MAP4: variants seen among roughly 807,000 people sequenced by gnomAD.
MAP4 encodes the protein microtubule-associated protein 4.
MAP4 carries 76 observed loss-of-function variants against 170.2 expected under a neutral mutation model. The observed-to-expected ratio is 0.45, with a 90% CI of 0.37 to 0.54. The LOEUF is 0.54. Ranked by LOEUF, MAP4 falls within the 20% of genes least tolerant of loss-of-function variation. The pLI, the probability that MAP4 is intolerant of heterozygous loss-of-function variation, is 0.00. For synonymous variants in MAP4, 909 were observed against 994.5 expected (o/e 0.91, Z 1.62); for missense variants, 2,506 against 2,748.0 (o/e 0.91, Z 1.97).
intron 3 of MAP4, among the ~76,000 whole-genome samples, chr3:47,970,242 T>G (rs985517768): frequency 6.6e-6 from 1 of 151,844 alleles, no homozygotes; most frequent in African/African-American, 2.4e-5. Context: ...TCCCAGCACT[T>G]TGGGAGGCCG....
intron 1 of MAP4, among the ~76,000 whole-genome samples, chr3:48,085,832 G>A (rs1431141946): frequency 6.6e-6 from 1 of 152,060 alleles, no homozygotes; most frequent in African/African-American, 2.4e-5. Context: ...CGAGGCAGGC[G>A]GAACACGAGG....
intron 1 of MAP4, among the ~76,000 whole-genome samples, chr3:48,061,211 CCT>C (rs1273423418): frequency 5.3e-5 from 8 of 150,666 alleles, no homozygotes; most frequent in East Asian, 3.9e-4. Flanking sequence ...TCTCCCTCTC[CCT>C]CTCTTTCCAC....
chr3:48,067,131 C>T (rs970982169), intron 1 of MAP4, among the ~76,000 whole-genome samples: 5 of 151,964 alleles, frequency 3.3e-5, no homozygotes, highest in African/African-American at 7.3e-5. Context: ...TGAGCCACCG[C>T]GCCCAGCCTC....
chr3:47,955,442 A>G (rs1368439774), intron 3 of MAP4, among the ~76,000 whole-genome samples: 4 of 93,232 alleles, frequency 4.3e-5, no homozygotes, highest in African/African-American at 1.4e-4. Flanking sequence ...ACGTACACAC[A>G]CACACACACA....
chr3:47,987,418 G>A (rs1441849284), intron 2 of MAP4: 1 of 1,532,232 alleles, frequency 6.5e-7, no homozygotes, highest in South Asian at 1.2e-5. Context: ...GGCAGGGTGT[G>A]GGGGTAGTGG....
At chr3:47,993,527 G>T (rs1478736195) in intron 2 of MAP4, among the ~76,000 whole-genome samples, 1 of 152,152 alleles carries the variant, frequency 6.6e-6, no homozygotes, top group Non-Finnish European at 1.5e-5. Flanking sequence ...AATTAAAATT[G>T]AGCAAACTTT....
rs1226450868 is a variant in MAP4 at position 47,872,004 on chromosome 3, C to G, written c.5854G>C (p.Val1952Leu). ...GCAGCAGCTGTTGTGGTTTTTGCAACAGTCTGAGTGCTCTTGGACCCAGAT... is the reference window on the plus strand; with the variant it reads ...GCAGCAGCTGTTGTGGTTTTTGCAAGAGTCTGAGTGCTCTTGGACCCAGAT... ...SRSGSKSTQT[V>L]AKTTTAAAVA... Residue 1952 changes from valine (V) to leucine (L), a missense_variant, in exon 13 of 21, where the codon GTT becomes CTT. Val to Leu is a conservative substitution (Grantham distance 32). Around this residue, in one of 3 missense-constraint regions of MAP4, gnomAD observed 487 missense variants for 511.6 expected, o/e 0.95. Coordinates refer to ENST00000683076, the MANE Select transcript of MAP4 (RefSeq NM_001385682.1). 6.2e-7 allele frequency: 1 copy of G among 1,614,140 alleles called. No homozygotes were observed. The highest frequency in any genetic ancestry group is 8.5e-7 in the Non-Finnish European group (1 of 1,180,012).
At chr3:47,995,491 G>A (rs1158349956) in intron 2 of MAP4, among the ~76,000 whole-genome samples, 1 of 151,960 alleles carries the variant, frequency 6.6e-6, no homozygotes. Flanking sequence ...CCTCAGGTGA[G>A]CCACCTGCCT....
chr3:47,944,411 T>TA (rs1371872390), intron 3 of MAP4, among the ~76,000 whole-genome samples: 2 of 152,078 alleles, frequency 1.3e-5, no homozygotes, highest in Non-Finnish European at 2.9e-5. Context: ...CCATCCAAAA[T>TA]ATAGTATTTT....
chr3:48,088,553 C>CT (rs769699905), intron 1 of MAP4, among the ~76,000 whole-genome samples: 67 of 151,954 alleles, frequency 4.4e-4, no homozygotes, highest in Middle Eastern at 6.8e-3. Context: ...AAAGACCCCC[C>CT]TAGATCGCGC....
rs1406122694 is a variant in MAP4 at position 47,974,260 on chromosome 3, T to C, written c.292+3605A>G. 3 of 360,022 alleles carry C rather than the reference T, an allele frequency of 8.3e-6. No individual in the cohort carries two copies. The East Asian group carries it at 5.0e-4, about 60-fold the overall frequency. 22.3% of individuals were successfully genotyped at this position (360,022 alleles called of 1,614,324 possible). A position where few individuals can be genotyped will look rare whatever the true frequency, so the allele number is the denominator to read the frequency against. On this transcript the variant is annotated intron_variant, in intron 3 of 20. Transcript: ENST00000683076. ...GGCCAACAAAGTAAAACCCCGTCTC[T>C]ACTAAAAATACAAAAATTAGCTGGT...
At chr3:47,914,407 G>A (rs899232686) in intron 8 of MAP4, among the ~76,000 whole-genome samples, 9 of 151,886 alleles carry the variant, frequency 5.9e-5, no homozygotes, top group South Asian at 2.1e-4. Flanking sequence ...AAAATTAGCC[G>A]GGCATGGTGG....
At chr3:47,954,021 CA>C (rs201279490) in intron 3 of MAP4, among the ~76,000 whole-genome samples, 59 of 138,222 alleles carry the variant, frequency 4.3e-4, no homozygotes, top group African/African-American at 9.8e-4. Flanking sequence ...CTCAAAAAAA[CA>C]AAAAAAAAAA....
At chr3:48,041,811 C>G (rs1010855787) in intron 1 of MAP4, among the ~76,000 whole-genome samples, 1 of 152,088 alleles carries the variant, frequency 6.6e-6, no homozygotes, top group Non-Finnish European at 1.5e-5. Flanking sequence ...CTAAAACAAC[C>G]CTGAAATAAA....
chr3:47,942,760 T>C (rs2100057300), intron 3 of MAP4, among the ~76,000 whole-genome samples: 1 of 152,186 alleles, frequency 6.6e-6, no homozygotes, highest in Admixed American at 6.5e-5. Flanking sequence ...ATCGTATTGA[T>C]TGTTGAATCT....
intron 1 of MAP4, among the ~76,000 whole-genome samples, chr3:48,051,092 C>CCA (rs145028487): frequency 0.16 from 22,290 of 143,802 alleles, 1,656 homozygotes; most frequent in African/African-American, 0.16. Context: ...CATTCAATTT[C>CCA]CACACACACA....
chr3:47,910,044 A>G lies in MAP4; in HGVS notation c.4377T>C (p.Asp1459=), dbSNP rs753442218. 1 of 1,614,026 alleles carries G rather than the reference A, an allele frequency of 6.2e-7. No homozygotes were observed. The highest frequency in any genetic ancestry group is 1.1e-5 in the South Asian group (1 of 91,086). ...QVVKEGDSFP[D]TLAKNGQEIA... ...TCTCTTGCCCATTTTTTGCCAAGGT[A>G]TCTGGAAAGGAATCACCTTCCTTTA... The change falls in exon 9 of 21, where the codon GAT becomes GAC. Residue 1459 remains aspartate (D), a synonymous_variant. Coordinates refer to ENST00000683076, the MANE Select transcript of MAP4 (RefSeq NM_001385682.1).
chr3:47,857,554 T>A, intron 17 of MAP4, 42 bp from the exon 18 acceptor site: 1 of 1,406,506 alleles, frequency 7.1e-7, no homozygotes, highest in South Asian at 1.2e-5. Context: ...AGAGAAGGTA[T>A]ACTGTCAGAG....
At chr3:48,077,446 C>CA (rs946132735) in intron 1 of MAP4, among the ~76,000 whole-genome samples, 147 of 70,706 alleles carry the variant, frequency 2.1e-3, no homozygotes, top group South Asian at 8.0e-3. Context: ...AACTCAGTCT[C>CA]AAAAAAAAAA....
Sources: allele counts gnomAD v4.1 joint callset (sites outside exome capture counted in the v4.1 genomes callset), GRCh38; gene constraint gnomAD v4.1.1; regional missense constraint gnomAD v4.1.1; transcripts MANE v1.5; gene names NCBI Gene and HGNC (gene_info 2026-07-23, HGNC 2026-07-21).